The following ADAM15 variants were observed in gnomAD, a reference collection of about 807,000 sequenced individuals.
The protein encoded by ADAM15 is ADAM metallopeptidase domain 15, also known as disintegrin and metalloproteinase domain-containing protein 15.
Under a neutral mutation model 113.8 loss-of-function variants are expected in ADAM15, and 77 were observed. The observed-to-expected ratio is 0.68, with a 90% CI of 0.56 to 0.82. The LOEUF (loss-of-function observed/expected upper bound fraction) is 0.82. Among genes scored for constraint, ADAM15 ranks in the 40% least tolerant of loss-of-function variants. ADAM15 has a pLI of 0.00. For missense variants in ADAM15, 963 were observed against 1,120.1 expected (o/e 0.86, Z 2.00); for synonymous variants, 388 against 454.1 (o/e 0.85, Z 1.85).
chr1:155,057,361 A>T lies in ADAM15; in HGVS notation c.1322A>T (p.Asp441Val), dbSNP rs1379690796. The T allele has an allele frequency of 6.2e-7, 1 of 1,614,006 alleles. No homozygotes were observed. The highest frequency in any genetic ancestry group is 1.3e-5 in the African/African-American group (1 of 75,022). ...GAGCAGTGTGACTGTGGCTTCCTGG[A>T]TGTGAGCCCCTTTCCCAAAGCCTCG... ...PGEQCDCGFL[D>V]DCVDPCCDSL... Residue 441 changes from aspartate to valine, a missense_variant and splice_region_variant, in exon 12 of 23, where the codon GAT (aspartate) becomes GTT (valine). Asp to Val is a radical substitution (Grantham distance 152). Coordinates refer to ENST00000356955, the MANE Select transcript of ADAM15 (RefSeq NM_207197.3). This position sits in a 1 kb window ranked among gnomAD's most constrained non-coding sequence, Gnocchi z 5.0.
chr1:155,052,287 G>T (rs1661148383), intron 1 of ADAM15: 1 of 560,740 alleles, frequency 1.8e-6, no homozygotes, highest in Non-Finnish European at 3.2e-6. Context: ...GAGGGTGAGC[G>T]GGCACCCGGC....
intron 20 of ADAM15, 186 bp from the exon 21 acceptor site, chr1:155,061,718 G>C (rs1030483882): frequency 6.9e-5 from 55 of 797,638 alleles, no homozygotes; most frequent in Non-Finnish European, 1.1e-4. Context: ...CAGGGACTGC[G>C]GTTGACCTAC....
intron 1 of ADAM15, chr1:155,052,264 T>G: frequency 5.8e-6 from 3 of 514,958 alleles, no homozygotes; most frequent in Non-Finnish European, 6.9e-6. Flanking sequence ...GCATCTCCGA[T>G]GTGAGCGAAG....
In ADAM15 at chr1:155,056,323, C is replaced by T. The variant is rs959818326; in HGVS notation, c.915-63C>T. On this transcript the variant is annotated intron_variant, in intron 9 of 22. Transcript: ENST00000356955. This position sits in a 1 kb window ranked among gnomAD's most constrained non-coding sequence, Gnocchi z 4.0. ...TTCACACCCCTTCAGCACCCTACCT[C>T]AGCCCCTGAAGCTCTGACCACCGTG... 9 of 1,611,020 alleles carry T rather than the reference C, an allele frequency of 5.6e-6. No individual in the cohort carries two copies. The African/African-American group carries it at 1.1e-4, about 19-fold the overall frequency.
chr1:155,053,827 C>T, intron 3 of ADAM15, 83 bp from the exon 4 acceptor site: 2 of 1,522,578 alleles, frequency 1.3e-6, no homozygotes, highest in Admixed American at 1.7e-5. Flanking sequence ...TCCCCAGCCC[C>T]ACAACCACCT....
In ADAM15 at chr1:155,059,940, C is replaced by T. The variant is rs1662340223; in HGVS notation, c.2034C>T (p.Gly678=). Residue 678 remains glycine (G), a synonymous_variant, in exon 17 of 23, where the codon GGC becomes GGT. Transcript: ENST00000356955. ...DSNRHCYCEE[G]WAPPDCTTQL... ...ACAGGCACTGCTACTGTGAGGAGGGCTGGGCACCCCCTGACTGCACCACTC... is the reference window on the plus strand; with the variant it reads ...ACAGGCACTGCTACTGTGAGGAGGGTTGGGCACCCCCTGACTGCACCACTC... The T allele has an allele frequency of 6.2e-7, 1 of 1,613,976 alleles. No homozygotes were observed. Among genetic ancestry groups the T allele is most frequent in the Non-Finnish European group, 8.5e-7 (1 of 1,179,984 alleles).
chr1:155,052,898 TC>T, intron 2 of ADAM15, 121 bp downstream of exon 2: 1 of 1,338,852 alleles, frequency 7.5e-7, no homozygotes, highest in Non-Finnish European at 1.0e-6. Context: ...AGTGGGTCTA[TC>T]CCAGGCCCAG....
intron 5 of ADAM15, 39 bp from the exon 6 acceptor site, chr1:155,054,275 C>T: frequency 6.3e-7 from 1 of 1,585,262 alleles, no homozygotes; most frequent in Non-Finnish European, 8.6e-7. Flanking sequence ...GAGACCCAGG[C>T]ATGGAGCTGA....
rs1296771599 is a variant in ADAM15 at position 155,060,833 on chromosome 1, G to A, written c.2277+1G>A. 1.8e-5 allele frequency: 29 copies of A among 1,610,262 alleles called. No homozygotes were observed. The highest frequency in any genetic ancestry group is 2.2e-5 in the Non-Finnish European group (26 of 1,179,714). On this transcript the variant is annotated splice_donor_variant, in intron 19 of 22. Coordinates refer to ENST00000356955, the MANE Select transcript of ADAM15 (RefSeq NM_207197.3). LOFTEE classifies it high-confidence loss of function. ...GGCCCTGCTGGCACGAGGCACTAAG[G>A]TGAGTCCTGGATGCCAGAGGAAGGG...
At chr1:155,061,866 G>A in intron 20 of ADAM15, 38 bp from the exon 21 acceptor site, 1 of 1,493,208 alleles carries the variant, frequency 6.7e-7, no homozygotes, top group Non-Finnish European at 9.0e-7. Flanking sequence ...ACAGCCCCTG[G>A]TTATGCTCTC....
chr1:155,060,860 A>G lies in ADAM15; in HGVS notation c.2277+28A>G, dbSNP rs183114449. On this transcript the variant is annotated intron_variant, in intron 19 of 22. Coordinates refer to ENST00000356955, the MANE Select transcript of ADAM15 (RefSeq NM_207197.3). ...GAGTCCTGGATGCCAGAGGAAGGGG[A>G]CTCCACCTTGGCCGGGCATCCAGCT... is the stretch of plus-strand genomic sequence containing the variant. The G allele has an allele frequency of 1.7e-4, 267 of 1,597,738 alleles. 1 individual carries two copies. In the East Asian group the frequency reaches 4.6e-3, roughly 27 times the overall value.
Position 155,058,102 on chromosome 1 carries a change from T to C in ADAM15, c.1668T>C (p.Ala556=). 1 of 1,613,780 alleles carries C rather than the reference T, an allele frequency of 6.2e-7. No individual in the cohort carries two copies. ...CLQTANTRGN[A]FGSCGRNPSG... ...AGACAGCTAATACTCGGGGAAATGC[T>C]TTTGGGAGCTGTGGGCGCAACCCCA... The change falls in exon 14 of 23, where the codon GCT becomes GCC. Residue 556 remains alanine, a synonymous_variant. Transcript: ENST00000356955. The surrounding 1 kb of genome is among the most constrained non-coding windows in gnomAD (Gnocchi z 4.3).
intron 1 of ADAM15, chr1:155,052,319 G>A: frequency 1.6e-6 from 1 of 624,554 alleles, no homozygotes; most frequent in Non-Finnish European, 2.8e-6. Flanking sequence ...GCTCAGTCTC[G>A]AGAGGGGGCG....
In ADAM15 at chr1:155,057,365, G is replaced by A. The variant is rs767397177; in HGVS notation, c.1323+3G>A. 2 of 1,613,904 alleles carry A rather than the reference G, an allele frequency of 1.2e-6. No individual in the cohort carries two copies. Among genetic ancestry groups the A allele is most frequent in the Admixed American group, 1.7e-5 (1 of 59,984 alleles). ...AGTGTGACTGTGGCTTCCTGGATGTGAGCCCCTTTCCCAAAGCCTCGCCCC... is the reference window on the plus strand; with the variant it reads ...AGTGTGACTGTGGCTTCCTGGATGTAAGCCCCTTTCCCAAAGCCTCGCCCC... On this transcript the variant is annotated splice_donor_region_variant and intron_variant, in intron 12 of 22. Transcript: ENST00000356955. This position sits in a 1 kb window ranked among gnomAD's most constrained non-coding sequence, Gnocchi z 5.0.
At position 155,055,861 on chromosome 1, in the gene ADAM15, G is replaced by C. The variant is rs201393887; in HGVS notation, c.675+9G>C. 6.2e-7 allele frequency: 1 copy of C among 1,614,220 alleles called. No individual in the cohort carries two copies. On this transcript the variant is annotated intron_variant, in intron 7 of 22. Transcript: ENST00000356955. Reference sequence around the variant, plus strand: ...TGGCTGATCACTCGGAGGTGAGCCTGCTGGCCCCTGCACATCCTCCTCCCC... The same window carrying C: ...TGGCTGATCACTCGGAGGTGAGCCTCCTGGCCCCTGCACATCCTCCTCCCC...
rs1182649710 is a variant in ADAM15 at position 155,056,328 on chromosome 1, C to T, written c.915-58C>T. ...ACCCCTTCAGCACCCTACCTCAGCC[C>T]CTGAAGCTCTGACCACCGTGGCTTC... On this transcript the variant is annotated intron_variant, in intron 9 of 22. Coordinates refer to ENST00000356955, the MANE Select transcript of ADAM15 (RefSeq NM_207197.3). The surrounding 1 kb of genome is among the most constrained non-coding windows in gnomAD (Gnocchi z 4.0). 3.1e-6 allele frequency: 5 copies of T among 1,611,498 alleles called. No individual in the cohort carries two copies. The highest frequency in any genetic ancestry group is 1.1e-5 in the South Asian group (1 of 90,936).
intron 20 of ADAM15, 196 bp downstream of exon 20, chr1:155,061,685 T>TAG: frequency 1.3e-6 from 1 of 774,360 alleles, no homozygotes; most frequent in Non-Finnish European, 2.0e-6. Context: ...CATCTGGTGG[T>TAG]CAATGGCGGG....
intron 2 of ADAM15, 130 bp from the exon 3 acceptor site, chr1:155,053,287 C>A: frequency 1.2e-6 from 1 of 833,816 alleles, no homozygotes; most frequent in Non-Finnish European, 2.0e-6. Context: ...GTTTCCTGGC[C>A]CCTCCCCTGG....
At chr1:155,060,445 C>A in intron 18 of ADAM15, 102 bp downstream of exon 18, 1 of 1,514,078 alleles carries the variant, frequency 6.6e-7, no homozygotes, top group African/African-American at 1.4e-5. Context: ...AGCCCCAGGC[C>A]CCTTGGACCT....
Sources: allele counts gnomAD v4.1 joint callset, GRCh38; gene constraint gnomAD v4.1.1; non-coding constraint Gnocchi (gnomAD v3.1); transcripts MANE v1.5; gene names NCBI Gene and HGNC (gene_info 2026-07-23, HGNC 2026-07-21).